MMS19: variants seen among roughly 807,000 people sequenced by gnomAD.
MMS19 encodes MMS19 nucleotide excision repair protein homolog.
MMS19 carries 77 observed loss-of-function variants against 129.8 expected under a neutral mutation model. The ratio of observed to expected loss-of-function variants is 0.59; its 90% CI spans 0.49 to 0.72. The LOEUF is 0.72. Ranked by LOEUF, MMS19 falls within the 30% of genes least tolerant of loss-of-function variation. The pLI, the probability that MMS19 is intolerant of heterozygous loss-of-function variation, is 0.00. For missense variants in MMS19, 1,168 were observed against 1,266.3 expected (o/e 0.92, Z 1.18); for synonymous variants, 491 against 502.8 (o/e 0.98, Z 0.31).
intron 10 of MMS19, 64 bp from the exon 11 acceptor site, chr10:97,469,787 C>T (rs981333488): frequency 1.4e-6 from 2 of 1,449,864 alleles, no homozygotes; most frequent in Non-Finnish European, 1.9e-6. Flanking sequence ...GTGCAGGTAC[C>T]TCAGCATAAT....
chr10:97,470,704 T>C (rs2034511570), intron 9 of MMS19, 71 bp downstream of exon 9: 3 of 972,248 alleles, frequency 3.1e-6, no homozygotes, highest in Non-Finnish European at 4.9e-6. Flanking sequence ...TTTTTCTCCA[T>C]GCTTTTACTG....
In MMS19 at chr10:97,466,085, G is replaced by T. The variant is rs760491036; in HGVS notation, c.1580C>A (p.Pro527His). Reference protein sequence around the residue: ...YPVAFSSHLVPKLAEELRVGE... With the variant: ...YPVAFSSHLVHKLAEELRVGE... Reference sequence around the variant, plus strand: ...TACACGCAGCTCCTCAGCGAGCTTGGGTACGAGGTGGCTGCTGAAGGCCAC... The same window carrying T: ...TACACGCAGCTCCTCAGCGAGCTTGTGTACGAGGTGGCTGCTGAAGGCCAC... Residue 527 changes from proline to histidine, a missense_variant, in exon 17 of 31, where the codon CCC becomes CAC. Pro to His is a moderately conservative substitution (Grantham distance 77). Around this residue, in one of 3 missense-constraint regions of MMS19, gnomAD observed 831 missense variants for 910.8 expected, o/e 0.91. Transcript: ENST00000438925. The T allele has an allele frequency of 6.2e-7, 1 of 1,611,544 alleles. No individual in the cohort carries two copies. Among genetic ancestry groups the T allele is most frequent in the Non-Finnish European group, 8.5e-7 (1 of 1,178,702 alleles).
Position 97,469,002 on chromosome 10 carries a change from C to A in MMS19, c.1027G>T (p.Asp343Tyr), listed in dbSNP as rs759785627. 6.3e-7 allele frequency: 1 copy of A among 1,588,734 alleles called. No individual in the cohort carries two copies. Among genetic ancestry groups the A allele is most frequent in the Non-Finnish European group, 8.6e-7 (1 of 1,167,156 alleles). The change falls in exon 12 of 31, where the codon GAC becomes TAC. Residue 343 changes from aspartate (D) to tyrosine (Y), a missense_variant. Coordinates refer to ENST00000438925, the MANE Select transcript of MMS19 (RefSeq NM_022362.5). ...TTGCTAAGGAAGGAGTCAAGGAGGT[C>A]CTCAGCATCAGCCCTCAGCACAGAG... Reference protein sequence around the residue: ...SRSVLRADAEDLLDSFLSNIL... With the variant: ...SRSVLRADAEYLLDSFLSNIL...
chr10:97,488,900 T>C (rs1039465632), intron 1 of MMS19, among the ~76,000 whole-genome samples: 12 of 152,238 alleles, frequency 7.9e-5, no homozygotes, highest in Admixed American at 5.9e-4. Context: ...GTTAAATGAA[T>C]TATAGTACAT....
intron 2 of MMS19, among the ~76,000 whole-genome samples, chr10:97,482,141 A>C (rs1208681839): frequency 1.3e-5 from 2 of 152,200 alleles, no homozygotes; most frequent in Non-Finnish European, 2.9e-5. Flanking sequence ...GCTCCACTGC[A>C]CTCTAGCTCG....
In MMS19 at chr10:97,471,791, G is replaced by A. The variant is rs191308719; in HGVS notation, c.685-930C>T. 4.6e-5 allele frequency among the ~76,000 whole-genome samples: 7 copies of A among 152,184 alleles called. No homozygotes were observed. The East Asian group carries it at 1.4e-3, about 29-fold the overall frequency. Reference sequence around the variant, plus strand: ...CTCCCGAAGTGCTGGGATTACAGGCGTAAGCCACCGAACCTGGCCTGGTTT... The same window carrying A: ...CTCCCGAAGTGCTGGGATTACAGGCATAAGCCACCGAACCTGGCCTGGTTT... On this transcript the variant is annotated intron_variant, in intron 8 of 30. Transcript: ENST00000438925.
At chr10:97,480,375 A>C (rs29001279) in intron 3 of MMS19, 5,248 of 436,830 alleles carry the variant, frequency 0.012, 108 homozygotes, top group East Asian at 0.074. Context: ...CCAAAAAAAC[A>C]AAAAAAACAA....
chr10:97,470,017 A>T, intron 10 of MMS19, 112 bp downstream of exon 10: 1 of 784,916 alleles, frequency 1.3e-6, no homozygotes, highest in South Asian at 1.6e-5. Flanking sequence ...AATCCTGGGT[A>T]TCCTCTTCTG....
At chr10:97,485,993 G>A (rs1418108982) in intron 1 of MMS19, among the ~76,000 whole-genome samples, 2 of 152,220 alleles carry the variant, frequency 1.3e-5, no homozygotes, top group Non-Finnish European at 2.9e-5. Context: ...CAAAGGAAAT[G>A]AAATCAGTAT....
intron 27 of MMS19, 30 bp downstream of exon 27, chr10:97,459,629 T>C (rs1419676660): frequency 1.3e-6 from 2 of 1,599,560 alleles, no homozygotes; most frequent in Non-Finnish European, 1.7e-6. Flanking sequence ...GCTTTGTCCT[T>C]TGCTTAGAAG....
chr10:97,470,947 G>T, intron 8 of MMS19, 86 bp from the exon 9 acceptor site: 1 of 1,022,148 alleles, frequency 9.8e-7, no homozygotes, highest in Non-Finnish European at 1.5e-6. Context: ...CTGCAGAACA[G>T]GGTGATACTC....
At chr10:97,477,823 A>C in intron 5 of MMS19, 32 bp downstream of exon 5, 1 of 1,502,422 alleles carries the variant, frequency 6.7e-7, no homozygotes, top group Non-Finnish European at 9.0e-7. Context: ...GTAGAGACAG[A>C]GGAGAATACC....
intron 8 of MMS19, among the ~76,000 whole-genome samples, chr10:97,471,845 A>G (rs1449299332): frequency 6.6e-6 from 1 of 152,188 alleles, no homozygotes; most frequent in East Asian, 1.9e-4. Context: ...TTTGATAGAA[A>G]AGATAAAACT....
At chr10:97,494,709 C>A (rs1326271919) in intron 1 of MMS19, among the ~76,000 whole-genome samples, 1 of 152,180 alleles carries the variant, frequency 6.6e-6, no homozygotes, top group East Asian at 1.9e-4. Flanking sequence ...AAATCACATT[C>A]TCTGAAAATC....
chr10:97,490,268 C>G (rs999565713), intron 1 of MMS19, among the ~76,000 whole-genome samples: 10 of 151,948 alleles, frequency 6.6e-5, no homozygotes, highest in African/African-American at 2.2e-4. Context: ...TTTGTAGGGA[C>G]AGGGTTTTGC....
chr10:97,498,049 C>A (rs2040130209), intron 1 of MMS19, among the ~76,000 whole-genome samples: 1 of 152,232 alleles, frequency 6.6e-6, no homozygotes, highest in African/African-American at 2.4e-5. Context: ...TGTAATGATT[C>A]CCTATAATTG....
chr10:97,491,121 A>C (rs988317586), intron 1 of MMS19, among the ~76,000 whole-genome samples: 1 of 152,234 alleles, frequency 6.6e-6, no homozygotes, highest in African/African-American at 2.4e-5. Flanking sequence ...AACTCTGCTG[A>C]AACAACCCAT....
intron 25 of MMS19, 92 bp from the exon 26 acceptor site, chr10:97,460,324 G>A: frequency 7.3e-6 from 9 of 1,241,304 alleles, no homozygotes; most frequent in Non-Finnish European, 1.0e-5. Context: ...GCTCATGCCT[G>A]TAATCCTAGC....
chr10:97,462,967 T>C (rs1050431028), intron 19 of MMS19: 1 of 337,406 alleles, frequency 3.0e-6, no homozygotes, highest in Non-Finnish European at 5.4e-6. Flanking sequence ...ACATAAGAAA[T>C]AGAAATGTTG....
Sources: allele counts gnomAD v4.1 joint callset (sites outside exome capture counted in the v4.1 genomes callset), GRCh38; gene constraint gnomAD v4.1.1; regional missense constraint gnomAD v4.1.1; transcripts MANE v1.5; gene names NCBI Gene and HGNC (gene_info 2026-07-23, HGNC 2026-07-21).